The following ZBTB47 variants were observed in gnomAD, a reference collection of about 807,000 sequenced individuals.
ZBTB47 encodes zinc finger and BTB domain-containing protein 47.
In ZBTB47, 24 loss-of-function variants were observed where a neutral mutation model predicts 56.6. The ratio of observed to expected loss-of-function variants is 0.42; its 90% CI spans 0.31 to 0.60. The LOEUF (loss-of-function observed/expected upper bound fraction) is 0.60. ZBTB47 is among the 20% of genes least tolerant of loss of function. The pLI is 0.14. For synonymous variants in ZBTB47, 414 were observed against 418.9 expected (o/e 0.99, Z 0.14); for missense variants, 829 against 1,032.6 (o/e 0.80, Z 2.70).
chr3:42,664,687 T>G lies in ZBTB47; in HGVS notation c.*89T>G. 7.5e-7 allele frequency: 1 copy of G among 1,325,918 alleles called. No individual in the cohort carries two copies. Among genetic ancestry groups the G allele is most frequent in the Non-Finnish European group, 9.6e-7 (1 of 1,037,972 alleles). 82.1% of individuals were successfully genotyped at this position (1,325,918 alleles called of 1,614,324 possible). A position where few individuals can be genotyped will look rare whatever the true frequency, so the allele number is the denominator to read the frequency against. ...ACTGCCTTCCCGGGGAGCACAGTAG[T>G]GCGGGCCTGGGCCCTGCTCCACCTC... is the stretch of plus-strand genomic sequence containing the variant. On this transcript the variant is annotated 3_prime_UTR_variant, in exon 6 of 6. Coordinates refer to ENST00000232974, the MANE Select transcript of ZBTB47 (RefSeq NM_145166.4).
At position 42,666,336 on chromosome 3, in the gene ZBTB47, C is replaced by T. The variant is rs916950084; in HGVS notation, c.*1738C>T. On this transcript the variant is annotated 3_prime_UTR_variant, in exon 6 of 6. Transcript: ENST00000232974. ...CCTGGGGGAGAGAAGGTTCGCCCCT[C>T]CCCGAGGAAGAAGGCTTCTGGTCAG... 2.0e-5 allele frequency among the ~76,000 whole-genome samples: 3 copies of T among 152,142 alleles called. No individual in the cohort carries two copies. Among genetic ancestry groups the T allele is most frequent in the Non-Finnish European group, 4.4e-5 (3 of 68,028 alleles).
chr3:42,659,458 G>T lies in ZBTB47; in HGVS notation c.1103G>T (p.Arg368Leu). 6.6e-6 allele frequency: 10 copies of T among 1,507,320 alleles called. No individual in the cohort carries two copies. Among genetic ancestry groups the T allele is most frequent in the Non-Finnish European group, 8.8e-6 (10 of 1,134,368 alleles). 93.4% of individuals were successfully genotyped at this position (1,507,320 alleles called of 1,614,324 possible). A position where few individuals can be genotyped will look rare whatever the true frequency, so the allele number is the denominator to read the frequency against. The change falls in exon 2 of 6, where the codon CGG becomes CTG. Residue 368 changes from arginine to leucine, a missense_variant. Coordinates refer to ENST00000232974, the MANE Select transcript of ZBTB47 (RefSeq NM_145166.4). ...KQGPRGSRSS[R>L]ADPPPHSHMA... is the part of the protein sequence containing the mutation. The stretch of plus-strand genomic sequence containing the variant: ...GGGCCACGGGGAAGCCGAAGCAGCC[G>T]GGCAGACCCCCCTCCCCACAGTCAC...
intron 3 of ZBTB47, 21 bp from the exon 4 acceptor site, chr3:42,662,991 G>A (rs1232611530): frequency 1.9e-6 from 3 of 1,585,126 alleles, no homozygotes; most frequent in Non-Finnish European, 2.6e-6. Flanking sequence ...AAACATGATG[G>A]CCCTGGTGCC....
chr3:42,662,799 T>A (rs1161371287), intron 3 of ZBTB47, among the ~76,000 whole-genome samples: 1 of 152,220 alleles, frequency 6.6e-6, no homozygotes, highest in Non-Finnish European at 1.5e-5. Flanking sequence ...AGCCCCAGCA[T>A]GTCTGAGGCA....
Position 42,658,266 on chromosome 3 carries a change from T to A in ZBTB47, c.-81-9T>A. ...CCTTGACCCACTCCTGTGCCCTCTG[T>A]CCCCGCAGTTGCTGGTTGAGAAGAC... On this transcript the variant is annotated splice_polypyrimidine_tract_variant and intron_variant, in intron 1 of 5. Transcript: ENST00000232974. 2 of 1,468,980 alleles carry A rather than the reference T, an allele frequency of 1.4e-6. No individual in the cohort carries two copies. Among genetic ancestry groups the A allele is most frequent in the Non-Finnish European group, 1.8e-6 (2 of 1,113,508 alleles). The allele number at this position is 1,468,980 out of a possible 1,614,324, so 91.0% of individuals were successfully genotyped here. A position where few individuals can be genotyped will look rare whatever the true frequency, so the allele number is the denominator to read the frequency against.
At chr3:42,657,039 T>G (rs867178641) in intron 1 of ZBTB47, among the ~76,000 whole-genome samples, 3 of 152,226 alleles carry the variant, frequency 2.0e-5, no homozygotes, top group African/African-American at 7.2e-5. Flanking sequence ...GTGGTGCTGG[T>G]CCAGCTGGGC....
In ZBTB47 at chr3:42,664,633, GGA is replaced by G; in HGVS notation, c.*37_*38del. 1 of 1,394,078 alleles carries G rather than the reference GGA, an allele frequency of 7.2e-7. No individual in the cohort carries two copies. The highest frequency in any genetic ancestry group is 9.2e-7 in the Non-Finnish European group (1 of 1,086,074). The allele number at this position is 1,394,078 out of a possible 1,614,324, so 86.4% of individuals were successfully genotyped here. On this transcript the variant is annotated 3_prime_UTR_variant, in exon 6 of 6. Coordinates refer to ENST00000232974, the MANE Select transcript of ZBTB47 (RefSeq NM_145166.4). The stretch of plus-strand genomic sequence containing the variant: ...TGCACCCGTGCACCCGCTGGGGCCT[GGA>G]GTCAGGGCCCACTCCAGGAGGGACC...
At chr3:42,657,420 C>A (rs1403160789) in intron 1 of ZBTB47, among the ~76,000 whole-genome samples, 1 of 152,192 alleles carries the variant, frequency 6.6e-6, no homozygotes, top group Admixed American at 6.5e-5. Context: ...GCATGGTAGG[C>A]AGGTTCCACA....
Position 42,661,543 on chromosome 3 carries a change from T to C in ZBTB47, c.1532T>C (p.Ile511Thr). 1.2e-6 allele frequency: 2 copies of C among 1,613,972 alleles called. No individual in the cohort carries two copies. ...KLWSLHEHNK[I>T]VHGYAEKKFS... ...TGGTCCCTCCATGAGCATAACAAGA[T>C]TGTGCACGGCTACGCAGAGAAGAAG... The change falls in exon 3 of 6, where the codon ATT becomes ACT. Residue 511 changes from isoleucine to threonine, a missense_variant. Around this residue, in one of 6 missense-constraint regions of ZBTB47, gnomAD observed 187 missense variants for 253.1 expected, o/e 0.74. Coordinates refer to ENST00000232974, the MANE Select transcript of ZBTB47 (RefSeq NM_145166.4).
Position 42,659,082 on chromosome 3 carries a change from C to A in ZBTB47, c.727C>A (p.Gln243Lys). The part of the protein sequence containing the change: ...QIIVEVNLNN[Q>K]TLHVSTGPEG... ...CATCGTGGAGGTGAACCTCAACAAC[C>A]AGACACTGCACGTGTCCACGGGGCC... The change falls in exon 2 of 6, where the codon CAG (glutamine) becomes AAG (lysine). Residue 243 changes from glutamine (Q) to lysine (K), a missense_variant. Transcript: ENST00000232974. 6.6e-7 allele frequency: 1 copy of A among 1,507,734 alleles called. No homozygotes were observed. Among genetic ancestry groups the A allele is most frequent in the Non-Finnish European group, 8.8e-7 (1 of 1,132,354 alleles). 93.4% of individuals were successfully genotyped at this position (1,507,734 alleles called of 1,614,324 possible). A position where few individuals can be genotyped will look rare whatever the true frequency, so the allele number is the denominator to read the frequency against.
In ZBTB47 at chr3:42,654,716, C is replaced by A; in HGVS notation, c.-82+833C>A. ...CCATGGTACGCAGGGCCCTGCCTGT[C>A]CCCCCGCTTATCCGCCCACCTGCCA... On this transcript the variant is annotated intron_variant, in intron 1 of 5. Coordinates refer to ENST00000232974, the MANE Select transcript of ZBTB47 (RefSeq NM_145166.4). This position sits in a 1 kb window ranked among gnomAD's most constrained non-coding sequence, Gnocchi z 5.0. 2 of 984,836 alleles carry A rather than the reference C, an allele frequency of 2.0e-6. No homozygotes were observed. The highest frequency in any genetic ancestry group is 2.4e-6 in the Non-Finnish European group (2 of 829,596). The allele number at this position is 984,836 out of a possible 1,614,324, so 61.0% of individuals were successfully genotyped here. A position where few individuals can be genotyped will look rare whatever the true frequency, so the allele number is the denominator to read the frequency against.
chr3:42,666,967 G>C lies in ZBTB47; in HGVS notation c.*2369G>C, dbSNP rs1235519382. 2.0e-5 allele frequency among the ~76,000 whole-genome samples: 3 copies of C among 152,224 alleles called. No homozygotes were observed. The highest frequency in any genetic ancestry group is 4.4e-5 in the Non-Finnish European group (3 of 68,050). Reference sequence around the variant, plus strand: ...CTGGTGCTAAGCACTCTCTTCACTTGGGCCATTGTTGGTGGGGGCTCCTTT... The same window carrying C: ...CTGGTGCTAAGCACTCTCTTCACTTCGGCCATTGTTGGTGGGGGCTCCTTT... On this transcript the variant is annotated 3_prime_UTR_variant, in exon 6 of 6. Coordinates refer to ENST00000232974, the MANE Select transcript of ZBTB47 (RefSeq NM_145166.4).
At chr3:42,653,143 A>G (rs1213814138), upstream of ZBTB47, among the ~76,000 whole-genome samples, 1 of 152,082 alleles carries the variant, frequency 6.6e-6, no homozygotes, top group African/African-American at 2.4e-5. Context: ...CTGAGGCCCT[A>G]CGTATTCTGG....
At position 42,656,487 on chromosome 3, in the gene ZBTB47, C is replaced by T. The variant is rs1577624537; in HGVS notation, c.-81-1788C>T. On this transcript the variant is annotated intron_variant, in intron 1 of 5. Transcript: ENST00000232974. The surrounding 1 kb of genome is among the most constrained non-coding windows in gnomAD (Gnocchi z 5.8). ...GGGAGATGGGAGGGGCTTGGTGCCA[C>T]GTCCCAGTTAGATTGGCCAGGCCTG... 1.3e-5 allele frequency among the ~76,000 whole-genome samples: 2 copies of T among 152,118 alleles called. No individual in the cohort carries two copies. The highest frequency in any genetic ancestry group is 2.1e-4 in the South Asian group (1 of 4,826).
chr3:42,661,780 T>C, intron 3 of ZBTB47, 148 bp downstream of exon 3: 2 of 1,124,106 alleles, frequency 1.8e-6, no homozygotes, highest in Non-Finnish European at 2.5e-6. Context: ...TTGGTTCCAG[T>C]GGCAGGTGTA....
intron 2 of ZBTB47, 28 bp downstream of exon 2, chr3:42,659,856 C>T: frequency 3.8e-6 from 6 of 1,568,574 alleles, no homozygotes; most frequent in East Asian, 2.3e-5. Flanking sequence ...GGGGGCAGGG[C>T]AGAGGCTGTC....
rs564034500 is a variant in ZBTB47, at chr3:42,661,574, A to G, written c.1563A>G (p.Ser521=). 8 of 1,613,294 alleles carry G rather than the reference A, an allele frequency of 5.0e-6. No homozygotes were observed. In the Admixed American group the frequency reaches 6.7e-5, roughly 13 times the overall value. ...ACGGCTACGCAGAGAAGAAGTTCTC[A>G]TGCGAGATCTGTGAGAAGAAGTTCT... The part of the protein sequence containing the change: ...IVHGYAEKKF[S]CEICEKKFYT... The change falls in exon 3 of 6, where the codon TCA becomes TCG. Residue 521 remains serine (S), a synonymous_variant. Transcript: ENST00000232974.
chr3:42,667,270 G>A lies in ZBTB47; in HGVS notation c.*2672G>A, dbSNP rs1710800914. Among the ~76,000 whole-genome samples the A allele has an allele frequency of 1.3e-5, 2 of 152,198 alleles. No individual in the cohort carries two copies. Among genetic ancestry groups the A allele is most frequent in the Admixed American group, 1.3e-4 (2 of 15,290 alleles). ...GCCTGTTTGGCTAGAACTCAGGCCT[G>A]GAGTCTGGGTCTGCCCCCTCCCCGG... On this transcript the variant is annotated 3_prime_UTR_variant, in exon 6 of 6. Coordinates refer to ENST00000232974, the MANE Select transcript of ZBTB47 (RefSeq NM_145166.4).
At chr3:42,655,300 G>C (rs1345006892) in intron 1 of ZBTB47, among the ~76,000 whole-genome samples, 3 of 152,178 alleles carry the variant, frequency 2.0e-5, no homozygotes, top group Non-Finnish European at 4.4e-5. Context: ...CTGCTGCCCA[G>C]CATAGAAAGA....
Sources: allele counts gnomAD v4.1 joint callset (sites outside exome capture counted in the v4.1 genomes callset), GRCh38; gene constraint gnomAD v4.1.1; regional missense constraint gnomAD v4.1.1; non-coding constraint Gnocchi (gnomAD v3.1); transcripts MANE v1.5; gene names NCBI Gene and HGNC (gene_info 2026-07-23, HGNC 2026-07-21).